TBC1D2: variants seen among roughly 807,000 people sequenced by gnomAD.
The protein encoded by TBC1D2 is TBC1 domain family member 2.
A neutral mutation model predicts 91.1 loss-of-function variants in TBC1D2; 58 were observed. That is an observed-to-expected ratio of 0.64 (90% CI 0.52 to 0.79). TBC1D2 has a LOEUF of 0.79. TBC1D2 is among the 30% of genes least tolerant of loss of function. The pLI is 0.00. For missense variants in TBC1D2, 1,080 were observed against 1,208.3 expected, an observed-to-expected ratio of 0.89 and a Z score of 1.57; for synonymous variants, 482 against 511.5, an observed-to-expected ratio of 0.94 and a Z score of 0.78.
intron 2 of TBC1D2, among the ~76,000 whole-genome samples, chr9:98,248,126 C>A (rs891914777): frequency 6.6e-6 from 1 of 152,248 alleles, no homozygotes; most frequent in Non-Finnish European, 1.5e-5. Context: ...TAGACTCAAA[C>A]ACGTCCCTAC....
Position 98,244,058 on chromosome 9 carries a change from C to A in TBC1D2, c.583G>T (p.Ala195Ser), listed in dbSNP as rs759950307. Residue 195 changes from alanine (A) to serine (S), a missense_variant, in exon 3 of 13, where the codon GCT becomes TCT. Physicochemically the swap from Ala to Ser is moderately conservative, Grantham distance 99. Coordinates refer to ENST00000465784, the MANE Select transcript of TBC1D2 (RefSeq NM_001267571.2). Reference sequence around the variant, plus strand: ...AGGGCAGGGAAGGGCTGCAAGGCAGCTGCCACGCCCACTAGCCCAGGGGGT... The same window carrying A: ...AGGGCAGGGAAGGGCTGCAAGGCAGATGCCACGCCCACTAGCCCAGGGGGT... ...KTPPGLVGVAAALQPFPALQN... is the reference protein window; with the variant it reads ...KTPPGLVGVASALQPFPALQN... 1.2e-6 allele frequency: 2 copies of A among 1,612,630 alleles called. No individual in the cohort carries two copies. Among genetic ancestry groups the A allele is most frequent in the African/African-American group, 2.7e-5 (2 of 75,050 alleles).
In TBC1D2 at chr9:98,220,817, G is replaced by A. The variant is rs781755673; in HGVS notation, c.1374+16C>T. Reference sequence around the variant, plus strand: ...AGGACCGGCAGGACTGGCAGGCCCTGAGGGGAGGCCCCTACCTTCAGGTGC... The same window carrying A: ...AGGACCGGCAGGACTGGCAGGCCCTAAGGGGAGGCCCCTACCTTCAGGTGC... On this transcript the variant is annotated intron_variant, in intron 6 of 12. Coordinates refer to ENST00000465784, the MANE Select transcript of TBC1D2 (RefSeq NM_001267571.2). The A allele has an allele frequency of 2.5e-6, 4 of 1,611,440 alleles. No homozygotes were observed. The highest frequency in any genetic ancestry group is 3.4e-6 in the Non-Finnish European group (4 of 1,178,462).
chr9:98,206,909 C>A (rs1828668793), intron 9 of TBC1D2, among the ~76,000 whole-genome samples: 1 of 152,260 alleles, frequency 6.6e-6, no homozygotes, highest in Admixed American at 6.5e-5. Context: ...TCATTCTGAT[C>A]TCATAGCTTC....
chr9:98,252,006 G>A, intron 1 of TBC1D2, 80 bp from the exon 2 acceptor site: 2 of 1,517,856 alleles, frequency 1.3e-6, no homozygotes, highest in Middle Eastern at 1.8e-4. Flanking sequence ...AAGGTTGTGG[G>A]AGGCTTAGGA....
chr9:98,212,341 C>A (rs1291252559), intron 7 of TBC1D2, among the ~76,000 whole-genome samples: 2 of 152,262 alleles, frequency 1.3e-5, no homozygotes, highest in East Asian at 3.9e-4. Flanking sequence ...GACCACACGT[C>A]TTTACTATGC....
intron 7 of TBC1D2, 72 bp downstream of exon 7, chr9:98,213,036 C>T (rs2275708): frequency 0.081 from 123,102 of 1,521,690 alleles, 5,466 homozygotes; most frequent in East Asian, 0.13. Flanking sequence ...GAGAGTGAGA[C>T]GGAGTGGGCA....
intron 4 of TBC1D2, among the ~76,000 whole-genome samples, chr9:98,229,561 C>T (rs1829318746): frequency 6.6e-6 from 1 of 152,246 alleles, no homozygotes; most frequent in African/African-American, 2.4e-5. Context: ...AGGATCCCAC[C>T]TCTATGTACT....
Position 98,233,453 on chromosome 9 carries a change from C to T in TBC1D2, c.744G>A (p.Arg248=), listed in dbSNP as rs1829422280. ...CGTCAGAGGCCAAGGGCTGCTCCTC[C>T]CTCTGAGGCTCCCCACTCTGTGGAG... ...EDSPQSGEPQ[R]EEQPLASDAS... Residue 248 remains arginine (R), a synonymous_variant, in exon 4 of 13, where the codon AGG becomes AGA. Coordinates refer to ENST00000465784, the MANE Select transcript of TBC1D2 (RefSeq NM_001267571.2). 2 of 1,614,008 alleles carry T rather than the reference C, an allele frequency of 1.2e-6. No homozygotes were observed. Among genetic ancestry groups the T allele is most frequent in the African/African-American group, 1.3e-5 (1 of 74,914 alleles).
rs200005226 is a variant in TBC1D2, at chr9:98,220,845, T to C, written c.1362A>G (p.Ile454Met). 65 of 1,613,992 alleles carry C rather than the reference T, an allele frequency of 4.0e-5. 1 individual carries two copies. The highest frequency in any genetic ancestry group is 4.0e-4 in the Admixed American group (24 of 60,022). Residue 454 changes from isoleucine to methionine, a missense_variant, in exon 6 of 13, where the codon ATA (isoleucine) becomes ATG (methionine). Coordinates refer to ENST00000465784, the MANE Select transcript of TBC1D2 (RefSeq NM_001267571.2). The stretch of plus-strand genomic sequence containing the variant: ...GGGAGGCCCCTACCTTCAGGTGCTC[T>C]ATCTTCCCCTGCTGGCTCAGGAAGT... ...NRDFLSQQGKIEHLKDDMEAY... is the reference protein window; with the variant it reads ...NRDFLSQQGKMEHLKDDMEAY...
Position 98,201,627 on chromosome 9 carries a change from T to C in TBC1D2, c.2309A>G (p.Lys770Arg). Residue 770 changes from lysine (K) to arginine (R), a missense_variant, in exon 11 of 13, where the codon AAG (lysine) becomes AGG (arginine). By Grantham distance (26) the Lys-to-Arg change is conservative. Coordinates refer to ENST00000465784, the MANE Select transcript of TBC1D2 (RefSeq NM_001267571.2). The part of the protein sequence containing the change: ...QRVLQDLLSE[K>R]LPRLMAHLGQ... ...CAGATGGGCCATCAGCCTGGGCAGC[T>C]TCTCCGAGAGCAGGTCCTGGAGCAC... 1.2e-6 allele frequency: 2 copies of C among 1,613,850 alleles called. No individual in the cohort carries two copies. The highest frequency in any genetic ancestry group is 2.2e-5 in the South Asian group (2 of 91,080).
chr9:98,250,013 G>T (rs1829838572), intron 2 of TBC1D2, among the ~76,000 whole-genome samples: 1 of 151,802 alleles, frequency 6.6e-6, no homozygotes, highest in South Asian at 2.1e-4. Context: ...GGACAAGGAC[G>T]GGGGTAATTA....
At chr9:98,234,217 A>G (rs1829446213) in intron 3 of TBC1D2, among the ~76,000 whole-genome samples, 1 of 152,034 alleles carries the variant, frequency 6.6e-6, no homozygotes, top group Non-Finnish European at 1.5e-5. Context: ...TTCTTTAAGA[A>G]CCGGGTACTA....
chr9:98,212,007 A>T (rs1289650988), intron 7 of TBC1D2, among the ~76,000 whole-genome samples: 13 of 152,042 alleles, frequency 8.6e-5, no homozygotes, highest in South Asian at 4.1e-4. Flanking sequence ...CATGTTGCCC[A>T]GGCTGGTCTT....
At chr9:98,210,544 G>T in intron 8 of TBC1D2, 112 bp downstream of exon 8, 1 of 1,030,314 alleles carries the variant, frequency 9.7e-7, no homozygotes, top group Non-Finnish European at 1.4e-6. Flanking sequence ...GAAGATCAGA[G>T]GAGGTAGTGC....
rs972865069 is a variant in TBC1D2 at position 98,199,600 on chromosome 9, G to A, written c.2580-12C>T. On this transcript the variant is annotated splice_polypyrimidine_tract_variant and intron_variant, in intron 12 of 12. Coordinates refer to ENST00000465784, the MANE Select transcript of TBC1D2 (RefSeq NM_001267571.2). Reference sequence around the variant, plus strand: ...TGTTCATCAGCTTCCTGGGAGGAGGGCACAATCAGCCCAGAGCACGTCACC... The same window carrying A: ...TGTTCATCAGCTTCCTGGGAGGAGGACACAATCAGCCCAGAGCACGTCACC... 1 of 1,613,722 alleles carries A rather than the reference G, an allele frequency of 6.2e-7. No homozygotes were observed. Among genetic ancestry groups the A allele is most frequent in the African/African-American group, 1.3e-5 (1 of 75,042 alleles).
chr9:98,242,269 A>G (rs6478630), intron 3 of TBC1D2, among the ~76,000 whole-genome samples: 65,507 of 151,612 alleles, frequency 0.43, 16,706 homozygotes, highest in African/African-American at 0.72. Context: ...GTGAAATCCC[A>G]TCTCTACTAA....
chr9:98,220,328 C>A (rs1829064814), intron 6 of TBC1D2, among the ~76,000 whole-genome samples: 3 of 152,228 alleles, frequency 2.0e-5, no homozygotes, highest in Non-Finnish European at 4.4e-5. Context: ...GCGATGCACC[C>A]ACCGAGGGCA....
rs201488677 is a variant in TBC1D2, at chr9:98,237,996, C to T, written c.648-4447G>A. Among the ~76,000 whole-genome samples, 25 of 150,048 alleles carry T rather than the reference C, an allele frequency of 1.7e-4. No individual in the cohort carries two copies. The South Asian group carries it at 4.0e-3, about 24-fold the overall frequency. ...ATGGCTCACTGCAGTCTCTGCCTCC[C>T]GGGTTCAAGCGATTCTCCTGCCTCA... On this transcript the variant is annotated intron_variant, in intron 3 of 12. Coordinates refer to ENST00000465784, the MANE Select transcript of TBC1D2 (RefSeq NM_001267571.2).
At chr9:98,202,700 G>A (rs1404968602) in intron 10 of TBC1D2, among the ~76,000 whole-genome samples, 2 of 152,252 alleles carry the variant, frequency 1.3e-5, no homozygotes, top group African/African-American at 4.8e-5. Flanking sequence ...TGGACACATG[G>A]AGGTTCATTA....
Sources: gnomAD v4.1 joint callset for allele counts (sites outside exome capture counted in the v4.1 genomes callset) on GRCh38, gnomAD v4.1.1 for gene constraint, MANE v1.5 for transcripts, NCBI Gene and HGNC (gene_info 2026-07-23, HGNC 2026-07-21) for gene names.